Variants in TEX48 observed in about 807,000 individuals in gnomAD.
The protein encoded by TEX48 is testis expressed 48, also known as testis-expressed protein 48.
Under a neutral mutation model 13.2 loss-of-function variants are expected in TEX48, and 10 were observed. The ratio of observed to expected loss-of-function variants is 0.75; its 90% confidence interval spans 0.47 to 1.28. The LOEUF is 1.28. Ranked by LOEUF, TEX48 falls within the 50% of genes most tolerant of loss-of-function variation. The probability of loss-of-function intolerance (pLI) is 0.00; values close to 1 mark genes in which losing one functional copy is unlikely to be tolerated. For missense variants in TEX48, 116 were observed against 139.4 expected, an observed-to-expected ratio of 0.83 and a Z score of 0.84; for synonymous variants, 45 against 52.3, an observed-to-expected ratio of 0.86 and a Z score of 0.60.
At chr9:114,680,381 C>T (rs1828171112) in intron 1 of TEX48, among the ~76,000 whole-genome samples, 1 of 152,094 alleles carries the variant, frequency 6.6e-6, no homozygotes, top group South Asian at 2.1e-4. Context: ...CCAGCCTTGG[C>T]CTCCCAACGT....
At chr9:114,673,444 C>G (rs1217207014) in intron 1 of TEX48, among the ~76,000 whole-genome samples, 8 of 129,886 alleles carry the variant, frequency 6.2e-5, no homozygotes, top group Non-Finnish European at 1.1e-4. Context: ...GCACTCCAGC[C>G]TGGGCAAGAA....
At chr9:114,672,429 T>G (rs1827966379) in intron 1 of TEX48, among the ~76,000 whole-genome samples, 1 of 152,230 alleles carries the variant, frequency 6.6e-6, no homozygotes, top group African/African-American at 2.4e-5. Context: ...GTATCAAGTT[T>G]TTAGATCTCT....
intron 1 of TEX48, among the ~76,000 whole-genome samples, chr9:114,678,956 A>G (rs1828132358): frequency 6.6e-6 from 1 of 152,040 alleles, no homozygotes; most frequent in African/African-American, 2.4e-5. Context: ...ATTTTTAAGC[A>G]TGGACTTGAG....
At chr9:114,668,459 G>T (rs993780906) in intron 3 of TEX48, 122 bp from the exon 4 acceptor site, 2 of 802,910 alleles carry the variant, frequency 2.5e-6, no homozygotes, top group East Asian at 2.7e-5. Context: ...TGGGGTGGGG[G>T]TGTACCTGAA....
intron 3 of TEX48, among the ~76,000 whole-genome samples, chr9:114,671,009 GA>G (rs1827935487): frequency 6.6e-6 from 1 of 152,140 alleles, no homozygotes; most frequent in Non-Finnish European, 1.5e-5. Context: ...CCAAAACAGG[GA>G]TCTTAACCAC....
At chr9:114,667,339 C>A (rs548305512) in intron 4 of TEX48, among the ~76,000 whole-genome samples, 7 of 152,196 alleles carry the variant, frequency 4.6e-5, no homozygotes, top group Non-Finnish European at 8.8e-5. Flanking sequence ...ATAGAACTGG[C>A]GCCCAGCAAT....
intron 4 of TEX48, 42 bp downstream of exon 4, chr9:114,668,164 G>A (rs1371892825): frequency 1.3e-6 from 2 of 1,533,754 alleles, no homozygotes; most frequent in Non-Finnish European, 1.7e-6. Flanking sequence ...CTCCCTGTCT[G>A]GGAGTTTCTG....
At chr9:114,677,557 A>C (rs1024384202) in intron 1 of TEX48, among the ~76,000 whole-genome samples, 32 of 152,114 alleles carry the variant, frequency 2.1e-4, no homozygotes, top group African/African-American at 7.5e-4. Context: ...TGCCTTGTGT[A>C]TGTTGAATGT....
chr9:114,680,781 C>T (rs1729342736), intron 1 of TEX48, among the ~76,000 whole-genome samples: 1 of 152,164 alleles, frequency 6.6e-6, no homozygotes, highest in African/African-American at 2.4e-5. Flanking sequence ...ATCCCCAGAA[C>T]CTGTGTGACA....
At chr9:114,668,020 G>C (rs1040621867) in intron 4 of TEX48, among the ~76,000 whole-genome samples, 186 bp downstream of exon 4, 1 of 151,864 alleles carries the variant, frequency 6.6e-6, no homozygotes, top group Non-Finnish European at 1.5e-5. Flanking sequence ...TTGGAAGATA[G>C]TGGAGTCAGG....
At chr9:114,681,475 ATCTCTGTTT>A (rs1828200537) in intron 1 of TEX48, among the ~76,000 whole-genome samples, 1 of 152,154 alleles carries the variant, frequency 6.6e-6, no homozygotes, top group Admixed American at 6.5e-5. Flanking sequence ...ACCTCTTTGA[ATCTCTGTTT>A]TCTGACCTGT....
At chr9:114,673,440 C>T (rs1467368390) in intron 1 of TEX48, among the ~76,000 whole-genome samples, 1 of 145,036 alleles carries the variant, frequency 6.9e-6, no homozygotes, top group Non-Finnish European at 1.5e-5. Flanking sequence ...CATTGCACTC[C>T]AGCCTGGGCA....
At chr9:114,669,605 C>A (rs1827908652) in intron 3 of TEX48, among the ~76,000 whole-genome samples, 2 of 152,116 alleles carry the variant, frequency 1.3e-5, no homozygotes, top group South Asian at 2.1e-4. Context: ...CCATGCCTGG[C>A]TAGTTTTGTA....
chr9:114,679,321 AAGAC>A (rs1828140814), intron 1 of TEX48, among the ~76,000 whole-genome samples: 1 of 150,258 alleles, frequency 6.7e-6, no homozygotes, highest in Admixed American at 6.7e-5. Flanking sequence ...CCCTGAAATA[AAGAC>A]AGGACCCAAA....
At chr9:114,674,703 A>G (rs1422752503) in intron 1 of TEX48, among the ~76,000 whole-genome samples, 1 of 132,194 alleles carries the variant, frequency 7.6e-6, no homozygotes, top group Non-Finnish European at 1.5e-5. Flanking sequence ...CTCTTTCTTG[A>G]CAGGGTCTAG....
At chr9:114,667,712 A>G (rs1210001589) in intron 4 of TEX48, among the ~76,000 whole-genome samples, 1 of 152,138 alleles carries the variant, frequency 6.6e-6, no homozygotes, top group Non-Finnish European at 1.5e-5. Flanking sequence ...CAGCCTGGCC[A>G]ACATGGTGAA....
chr9:114,671,507 T>C lies in TEX48; in HGVS notation c.5-2A>G. The stretch of plus-strand genomic sequence containing the variant: ...TCAAGATCAGGTTTTGGTGGGCTGC[T>C]GTTGGAGGCAAAGGAATGAGGGGCA... On this transcript the variant is annotated splice_acceptor_variant, in intron 2 of 4. Transcript: ENST00000436752. LOFTEE classifies it high-confidence loss of function. 6.6e-7 allele frequency: 1 copy of C among 1,521,886 alleles called. No individual in the cohort carries two copies. The highest frequency in any genetic ancestry group is 1.2e-5 in the South Asian group (1 of 83,426). The allele number at this position is 1,521,886 out of a possible 1,614,324, so 94.3% of individuals were successfully genotyped here. A position where few individuals can be genotyped will look rare whatever the true frequency, so the allele number is the denominator to read the frequency against.
At chr9:114,666,917 T>G (rs1347322114) in intron 4 of TEX48, among the ~76,000 whole-genome samples, 171 bp from the exon 5 acceptor site, 1 of 151,816 alleles carries the variant, frequency 6.6e-6, no homozygotes, top group Non-Finnish European at 1.5e-5. Flanking sequence ...ATAGGAGGAG[T>G]TTCTTGCAGT....
At chr9:114,673,976 T>C (rs1345255762) in intron 1 of TEX48, among the ~76,000 whole-genome samples, 2 of 151,874 alleles carry the variant, frequency 1.3e-5, no homozygotes, top group Admixed American at 6.6e-5. Flanking sequence ...TGGCTAACTT[T>C]TGTATTTTTT....
Sources: allele counts gnomAD v4.1 joint callset (sites outside exome capture counted in the v4.1 genomes callset), GRCh38; gene constraint gnomAD v4.1.1; transcripts MANE v1.5; gene names NCBI Gene and HGNC (gene_info 2026-07-23, HGNC 2026-07-21).